DNAH12: variants seen among roughly 807,000 people sequenced by gnomAD.
The protein encoded by DNAH12 is dynein axonemal heavy chain 12.
Under a neutral mutation model 371.5 loss-of-function variants are expected in DNAH12, and 285 were observed. The ratio of observed to expected loss-of-function variants is 0.77; its 90% CI spans 0.70 to 0.85. The LOEUF is 0.85. Among genes scored for constraint, DNAH12 ranks in the 40% least tolerant of loss-of-function variants. The probability of loss-of-function intolerance (pLI) is 0.00; values close to 1 mark genes in which losing one functional copy is unlikely to be tolerated. For synonymous variants in DNAH12, 1,200 were observed against 1,213.0 expected (o/e 0.99, Z 0.22); for missense variants, 3,611 against 3,689.4 (o/e 0.98, Z 0.55).
chr3:57,546,949 G>A (rs1304842548), upstream of DNAH12, among the ~76,000 whole-genome samples: 1 of 152,042 alleles, frequency 6.6e-6, no homozygotes, highest in Non-Finnish European at 1.5e-5. Context: ...TTTGAGACCA[G>A]CCTGGGCAAC....
At chr3:57,510,378 C>CGT (rs916209500) in intron 5 of DNAH12, among the ~76,000 whole-genome samples, 45 of 152,172 alleles carry the variant, frequency 3.0e-4, no homozygotes, top group African/African-American at 1.1e-3. Flanking sequence ...AGTGGCTCAG[C>CGT]GTGTAATCCC....
intron 20 of DNAH12, 44 bp downstream of exon 20, chr3:57,459,548 A>G (rs773898042): frequency 6.9e-6 from 9 of 1,309,182 alleles, no homozygotes; most frequent in Non-Finnish European, 7.9e-6. Context: ...TAATTTCCAA[A>G]AACAAAGGTT....
chr3:57,352,621 T>C (rs2062705663), intron 59 of DNAH12, among the ~76,000 whole-genome samples: 1 of 152,018 alleles, frequency 6.6e-6, no homozygotes, highest in Admixed American at 6.6e-5. Context: ...AAATATCTTA[T>C]TCTGCCCCAA....
At chr3:57,519,762 GGAAT>G in intron 4 of DNAH12, 1 of 1,604,360 alleles carries the variant, frequency 6.2e-7, no homozygotes, top group Non-Finnish European at 8.5e-7. Flanking sequence ...AGTTGCGGAA[GGAAT>G]GATTACATTC....
chr3:57,334,183 T>C (rs1015889160), intron 62 of DNAH12, among the ~76,000 whole-genome samples: 1 of 152,200 alleles, frequency 6.6e-6, no homozygotes, highest in African/African-American at 2.4e-5. Context: ...ATTAACAAAG[T>C]ATCAATTACA....
chr3:57,348,596 ATCTC>A (rs1434766027), intron 60 of DNAH12, among the ~76,000 whole-genome samples: 2 of 152,132 alleles, frequency 1.3e-5, no homozygotes, highest in African/African-American at 4.8e-5. Flanking sequence ...TACATAAGAA[ATCTC>A]TATCTTCTGC....
chr3:57,333,583 G>T (rs908266326), intron 62 of DNAH12, among the ~76,000 whole-genome samples: 4 of 151,800 alleles, frequency 2.6e-5, no homozygotes, highest in Non-Finnish European at 4.4e-5. Context: ...TGTCCTCCTC[G>T]GCCTCCCAAA....
chr3:57,383,695 G>A (rs2063443499), intron 49 of DNAH12, among the ~76,000 whole-genome samples: 1 of 150,270 alleles, frequency 6.7e-6, no homozygotes, highest in Non-Finnish European at 1.5e-5. Flanking sequence ...AAAAGTTTCA[G>A]GTTGTGGTGA....
intron 55 of DNAH12, among the ~76,000 whole-genome samples, chr3:57,372,069 G>C (rs2153337431): frequency 6.6e-6 from 1 of 151,462 alleles, no homozygotes; most frequent in East Asian, 1.9e-4. Context: ...TGATAGTGCA[G>C]TAGGGTAACT....
chr3:57,464,408 T>G (rs1584327), intron 17 of DNAH12, among the ~76,000 whole-genome samples: 135,436 of 152,090 alleles, frequency 0.89, 60,902 homozygotes, highest in African/African-American at 0.97. Flanking sequence ...TCCGCATTCA[T>G]TAAGGGCAGC....
chr3:57,451,556 T>C (rs890439395), intron 25 of DNAH12, among the ~76,000 whole-genome samples: 3 of 152,196 alleles, frequency 2.0e-5, no homozygotes, highest in African/African-American at 7.2e-5. Context: ...GAGGATCTCC[T>C]TGAGCCCAGG....
At chr3:57,468,680 A>G in intron 17 of DNAH12, 56 bp downstream of exon 17, 3 of 1,020,406 alleles carry the variant, frequency 2.9e-6, no homozygotes, top group Non-Finnish European at 4.0e-6. Flanking sequence ...ATATTAGGTA[A>G]CAGAAAAGTT....
chr3:57,500,047 T>C (rs1270900357), intron 11 of DNAH12, among the ~76,000 whole-genome samples: 2 of 17,166 alleles, frequency 1.2e-4, no homozygotes, highest in Admixed American at 5.0e-4. Context: ...AGAATTACCT[T>C]TTTTTTTTTT....
At chr3:57,421,366 C>A (rs1302502611) in intron 36 of DNAH12, among the ~76,000 whole-genome samples, 152 bp downstream of exon 36, 2 of 151,970 alleles carry the variant, frequency 1.3e-5, no homozygotes, top group Non-Finnish European at 2.9e-5. Context: ...ATTTATACAG[C>A]CAATAAGTTA....
At chr3:57,336,059 G>A (rs2153309123) in intron 60 of DNAH12, among the ~76,000 whole-genome samples, 1 of 152,278 alleles carries the variant, frequency 6.6e-6, no homozygotes, top group South Asian at 2.1e-4. Context: ...ATAGTTCACT[G>A]CAGCCTCAAA....
intron 45 of DNAH12, among the ~76,000 whole-genome samples, chr3:57,387,845 T>C (rs1220102640): frequency 3.9e-5 from 6 of 152,098 alleles, no homozygotes; most frequent in Non-Finnish European, 7.3e-5. Context: ...ACTTTGAGAA[T>C]GGAAATCACA....
chr3:57,517,652 T>G (rs1229427947), intron 4 of DNAH12, among the ~76,000 whole-genome samples: 1 of 152,174 alleles, frequency 6.6e-6, no homozygotes, highest in Non-Finnish European at 1.5e-5. Flanking sequence ...AACCATTTCA[T>G]CTCCTAAAAT....
chr3:57,333,644 T>A (rs541831003), intron 62 of DNAH12, among the ~76,000 whole-genome samples: 21 of 152,228 alleles, frequency 1.4e-4, no homozygotes, highest in Non-Finnish European at 2.8e-4. Flanking sequence ...CTACTCTTTT[T>A]AAAAATATAA....
At chr3:57,309,438 T>C (rs1362264761) in intron 68 of DNAH12, among the ~76,000 whole-genome samples, 184 bp from the exon 69 acceptor site, 2 of 152,202 alleles carry the variant, frequency 1.3e-5, no homozygotes, top group African/African-American at 2.4e-5. Context: ...GAACTTACTA[T>C]ATGCCAGGCA....
Sources: allele counts gnomAD v4.1 joint callset (sites outside exome capture counted in the v4.1 genomes callset), GRCh38; gene constraint gnomAD v4.1.1; transcripts MANE v1.5; gene names NCBI Gene and HGNC (gene_info 2026-07-23, HGNC 2026-07-21).